AKAP6: variants seen among roughly 807,000 people sequenced by gnomAD.
The protein encoded by AKAP6 is A-kinase anchor protein 6.
AKAP6 carries 58 observed loss-of-function variants against 188.5 expected under a neutral mutation model. That is an observed-to-expected ratio of 0.31 (90% CI 0.25 to 0.38). The LOEUF (loss-of-function observed/expected upper bound fraction) is 0.38, where lower values mean the gene tolerates loss of function less well. Among genes scored for constraint, AKAP6 ranks in the 10% least tolerant of loss-of-function variants. The pLI is 1.00. For synonymous variants in AKAP6, 989 were observed against 998.6 expected, an observed-to-expected ratio of 0.99 and a Z score of 0.18; for missense variants, 2,710 against 2,740.0, an observed-to-expected ratio of 0.99 and a Z score of 0.24.
chr14:32,750,745 T>G (rs1224984715), intron 11 of AKAP6, among the ~76,000 whole-genome samples: 7 of 141,486 alleles, frequency 4.9e-5, no homozygotes, highest in African/African-American at 1.9e-4. Flanking sequence ...TTGTTTTTTT[T>G]TTTTTGTTTT....
At chr14:32,471,068 A>C (rs1428633869) in intron 2 of AKAP6, among the ~76,000 whole-genome samples, 1 of 152,248 alleles carries the variant, frequency 6.6e-6, no homozygotes, top group African/African-American at 2.4e-5. Flanking sequence ...CCAAATTTAT[A>C]ACTATGATAA....
At chr14:32,740,185 G>A (rs2031612920) in intron 11 of AKAP6, among the ~76,000 whole-genome samples, 1 of 151,896 alleles carries the variant, frequency 6.6e-6, no homozygotes, top group Non-Finnish European at 1.5e-5. Context: ...TTTGAGAAAT[G>A]GCTATTCAAA....
chr14:32,799,985 G>A lies in AKAP6; in HGVS notation c.3589-21417G>A, dbSNP rs111300417. Among the ~76,000 whole-genome samples the A allele has an allele frequency of 6.0e-3, 902 of 149,818 alleles. 7 individuals are homozygous for A. The highest frequency in any genetic ancestry group is 0.02 in the African/African-American group (830 of 40,704). On this transcript the variant is annotated intron_variant, in intron 12 of 13. Coordinates refer to ENST00000280979, the MANE Select transcript of AKAP6 (RefSeq NM_004274.5). Reference sequence around the variant, plus strand: ...AGCACTTTGGGAGGCCGAGGTGGGCGGACTGCTTGAGCCCAGATGTTCAAG... The same window carrying A: ...AGCACTTTGGGAGGCCGAGGTGGGCAGACTGCTTGAGCCCAGATGTTCAAG...
intron 2 of AKAP6, among the ~76,000 whole-genome samples, chr14:32,491,610 G>A (rs1241991120): frequency 2.6e-5 from 4 of 152,158 alleles, no homozygotes; most frequent in Non-Finnish European, 5.9e-5. Context: ...GCATATGACT[G>A]GAGCACATGA....
intron 1 of AKAP6, among the ~76,000 whole-genome samples, chr14:32,342,957 T>TCCA (rs1290625964): frequency 1.6e-4 from 24 of 152,314 alleles, no homozygotes; most frequent in Admixed American, 4.6e-4. Flanking sequence ...CAGTTTTAAC[T>TCCA]CCATGGCCTA....
chr14:32,676,447 C>A (rs1889430138), intron 7 of AKAP6, among the ~76,000 whole-genome samples: 2 of 151,958 alleles, frequency 1.3e-5, no homozygotes, highest in African/African-American at 4.8e-5. Context: ...TTCTGCATAC[C>A]TCCTCTTCCA....
rs576596836 is a variant in AKAP6, at chr14:32,604,576, G to T, written c.2730+3784G>T. Reference sequence around the variant, plus strand: ...AAACACATATAATAATAATATAAAGGCTCAGATTCTGAAGCCAGACTGCTT... The same window carrying T: ...AAACACATATAATAATAATATAAAGTCTCAGATTCTGAAGCCAGACTGCTT... On this transcript the variant is annotated intron_variant, in intron 7 of 13. Transcript: ENST00000280979. Among the ~76,000 whole-genome samples, 9 of 152,134 alleles carry T rather than the reference G, an allele frequency of 5.9e-5. No individual in the cohort carries two copies. In the Middle Eastern group the frequency reaches 0.01, roughly 172 times the overall value.
rs2034630435 is a variant in AKAP6, at chr14:32,824,692, G to T, written c.6879G>T (p.Leu2293Phe). The T allele has an allele frequency of 1.9e-6, 3 of 1,613,748 alleles. No individual in the cohort carries two copies. The highest frequency in any genetic ancestry group is 1.7e-5 in the Admixed American group (1 of 59,936). ...KANQPTDKAA[L>F]HPSPKTLTCE... is the part of the protein sequence containing the mutation. ...ATCAGCCAACAGACAAGGCCGCATTGCATCCCAGCCCCAAAACTTTAACCT... is the reference window on the plus strand; with the variant it reads ...ATCAGCCAACAGACAAGGCCGCATTTCATCCCAGCCCCAAAACTTTAACCT... The change falls in exon 13 of 14, where the codon TTG (leucine) becomes TTT (phenylalanine). Residue 2293 changes from leucine (L) to phenylalanine (F), a missense_variant. By Grantham distance (22) the Leu-to-Phe change is conservative. This residue lies in a region of AKAP6 where 2,473 missense variants were observed against 2,426.1 expected (regional missense o/e 1.02). Coordinates refer to ENST00000280979, the MANE Select transcript of AKAP6 (RefSeq NM_004274.5).
At chr14:32,342,806 C>A (rs1207470664) in intron 1 of AKAP6, among the ~76,000 whole-genome samples, 5 of 152,038 alleles carry the variant, frequency 3.3e-5, no homozygotes, top group African/African-American at 1.2e-4. Context: ...TCTGTCTGAT[C>A]GGAGAATTCT....
At position 32,822,114 on chromosome 14, in the gene AKAP6, G is replaced by A. The variant is rs1594983972; in HGVS notation, c.4301G>A (p.Gly1434Asp). ...TCTCAGTCGTCCATTTCACCAGTGG[G>A]TTGTGTAAATGGAAAAGTTGGAGAT... ...NSSQSSISPV[G>D]CVNGKVGDLN... The change falls in exon 13 of 14, where the codon GGT becomes GAT. Residue 1434 changes from glycine to aspartate, a missense_variant. Around this residue, in one of 2 missense-constraint regions of AKAP6, gnomAD observed 2,473 missense variants for 2,426.1 expected, o/e 1.02. Transcript: ENST00000280979. The A allele has an allele frequency of 1.9e-6, 3 of 1,613,860 alleles. No individual in the cohort carries two copies. Among genetic ancestry groups the A allele is most frequent in the Non-Finnish European group, 2.5e-6 (3 of 1,179,926 alleles).
intron 12 of AKAP6, among the ~76,000 whole-genome samples, chr14:32,797,580 T>C (rs949413065): frequency 1.3e-5 from 2 of 151,958 alleles, no homozygotes; most frequent in African/African-American, 4.8e-5. Context: ...TGAGAACACA[T>C]AGACACATGT....
chr14:32,828,527 T>TCA (rs2034738013), intron 13 of AKAP6, among the ~76,000 whole-genome samples: 1 of 76,652 alleles, frequency 1.3e-5, no homozygotes, highest in Non-Finnish European at 2.2e-5. Flanking sequence ...TCTCTCTCTC[T>TCA]CTCACACACA....
At chr14:32,778,711 ATTTT>A (rs61493362) in intron 12 of AKAP6, among the ~76,000 whole-genome samples, 1 of 135,920 alleles carries the variant, frequency 7.4e-6, no homozygotes, top group Non-Finnish European at 1.5e-5. Context: ...ATACCCAGCA[ATTTT>A]TTTTTTTTTT....
chr14:32,715,627 A>G (rs2030150747), intron 9 of AKAP6, among the ~76,000 whole-genome samples: 1 of 151,938 alleles, frequency 6.6e-6, no homozygotes, highest in Non-Finnish European at 1.5e-5. Flanking sequence ...TTTAGGGGGA[A>G]AAAAACCTCA....
At chr14:32,634,600 C>T (rs542568667) in intron 7 of AKAP6, among the ~76,000 whole-genome samples, 58 of 151,918 alleles carry the variant, frequency 3.8e-4, no homozygotes, top group Non-Finnish European at 7.2e-4. Flanking sequence ...TCTAATTAAT[C>T]GATAATATTT....
chr14:32,388,224 G>A (rs1337810109), intron 1 of AKAP6, among the ~76,000 whole-genome samples: 1 of 151,852 alleles, frequency 6.6e-6, no homozygotes, highest in Non-Finnish European at 1.5e-5. Context: ...AGTTTATTTG[G>A]ATTTTCTCTC....
At chr14:32,581,495 A>C (rs529617679) in intron 5 of AKAP6, among the ~76,000 whole-genome samples, 73 of 152,216 alleles carry the variant, frequency 4.8e-4, no homozygotes, top group African/African-American at 1.7e-3. Context: ...AGAGTTCTGT[A>C]GATGTCTATT....
intron 1 of AKAP6, among the ~76,000 whole-genome samples, chr14:32,383,949 G>C (rs1322205692): frequency 1.3e-5 from 2 of 152,154 alleles, no homozygotes; most frequent in Non-Finnish European, 2.9e-5. Context: ...AGAACTTAAA[G>C]TTCTGATGAA....
In AKAP6 at chr14:32,691,401, A is replaced by G. The variant is rs147194725; in HGVS notation, c.2880-4589A>G. On this transcript the variant is annotated intron_variant, in intron 8 of 13. Coordinates refer to ENST00000280979, the MANE Select transcript of AKAP6 (RefSeq NM_004274.5). ...CCTGGAGCACATTGTCTTTTATAAA[A>G]TCACTCAAAAAACACACCTTTGCAG... 3.3e-3 allele frequency among the ~76,000 whole-genome samples: 505 copies of G among 152,292 alleles called. 3 individuals carry two copies. The highest frequency in any genetic ancestry group is 0.012 in the African/African-American group (491 of 41,564).
Sources: gnomAD v4.1 joint callset for allele counts (sites outside exome capture counted in the v4.1 genomes callset) on GRCh38, gnomAD v4.1.1 for gene constraint, gnomAD v4.1.1 regional missense constraint, MANE v1.5 for transcripts, NCBI Gene and HGNC (gene_info 2026-07-23, HGNC 2026-07-21) for gene names.